Variants in NCOR2 observed in about 807,000 individuals in gnomAD.
NCOR2 encodes nuclear receptor corepressor 2.
A neutral mutation model predicts 262.9 loss-of-function variants in NCOR2; 81 were observed. The observed-to-expected ratio is 0.31, with a 90% CI of 0.26 to 0.37. NCOR2 has a LOEUF of 0.37. NCOR2 is among the 10% of genes least tolerant of loss of function. The pLI is 1.00. For synonymous variants in NCOR2, 1,659 were observed against 1,559.3 expected, an observed-to-expected ratio of 1.06 and a Z score of -1.51; for missense variants, 3,385 against 3,621.4, an observed-to-expected ratio of 0.93 and a Z score of 1.68.
At chr12:124,473,739 G>A (rs2046947126) in intron 3 of NCOR2, among the ~76,000 whole-genome samples, 1 of 152,190 alleles carries the variant, frequency 6.6e-6, no homozygotes. Context: ...ACATGGAACT[G>A]TGAGTACAAT....
intron 1 of NCOR2, among the ~76,000 whole-genome samples, chr12:124,559,235 A>C (rs1005233358): frequency 6.6e-6 from 1 of 152,220 alleles, no homozygotes; most frequent in Admixed American, 6.5e-5. Flanking sequence ...AGCATCAGCC[A>C]CAAGTCCAGG....
chr12:124,417,144 C>G, intron 13 of NCOR2, among the ~76,000 whole-genome samples: 1 of 151,506 alleles, frequency 6.6e-6, no homozygotes, highest in Non-Finnish European at 1.5e-5. Context: ...CAGACACTCA[C>G]TCCACGGAGA....
At chr12:124,488,498 G>T (rs2047902481) in intron 1 of NCOR2, among the ~76,000 whole-genome samples, 1 of 152,216 alleles carries the variant, frequency 6.6e-6, no homozygotes, top group Non-Finnish European at 1.5e-5. Context: ...ACCTCTCTGA[G>T]GGATTCCCCC....
chr12:124,495,334 C>T, upstream of NCOR2: 4 of 1,487,518 alleles, frequency 2.7e-6, no homozygotes, highest in African/African-American at 1.4e-5. This position sits in a 1 kb window ranked among gnomAD's most constrained non-coding sequence, Gnocchi z 4.4. Flanking sequence ...AGCCAGTCCT[C>T]GTCATCAGCT....
At chr12:124,325,163 G>C (rs924597503) in exon 47 of NCOR2, 2 of 192,406 alleles carry the variant, frequency 1.0e-5, no homozygotes, top group Non-Finnish European at 2.1e-5. Context: ...CTCCCTTCCC[G>C]AGCACCAGGT....
intron 13 of NCOR2, among the ~76,000 whole-genome samples, chr12:124,405,998 C>T (rs1259432514): frequency 1.3e-5 from 2 of 152,218 alleles, no homozygotes; most frequent in Admixed American, 6.5e-5. Context: ...CCGCACCCCA[C>T]ACCAATGACA....
At chr12:124,567,510 G>A (rs2052287496), upstream of NCOR2, 1 of 146,984 alleles carries the variant, frequency 6.8e-6, no homozygotes, top group Admixed American at 6.7e-5. Flanking sequence ...GGAGCGCAGG[G>A]CGCGGGCGCA....
chr12:124,354,535 C>T (rs2037789132), exon 26 of NCOR2: 3 of 1,595,914 alleles, frequency 1.9e-6, no homozygotes, highest in East Asian at 2.3e-5. Flanking sequence ...GGTGGCCCAG[C>T]CTGGCCCCGT....
At chr12:124,510,245 C>T (rs1268144932) in intron 1 of NCOR2, among the ~76,000 whole-genome samples, 2 of 152,366 alleles carry the variant, frequency 1.3e-5, no homozygotes, top group South Asian at 2.1e-4. Context: ...CTCCTCCCGA[C>T]CTCCATGGGG....
intron 32 of NCOR2, 126 bp downstream of exon 34, chr12:124,344,471 T>G (rs2135845847): frequency 5.6e-6 from 5 of 899,822 alleles, no homozygotes; most frequent in South Asian, 2.5e-5. Context: ...CTGCAGGTGG[T>G]TTGGATGTGG....
intron 34 of NCOR2, 43 bp from the exon 37 acceptor site, chr12:124,340,794 A>T: frequency 6.8e-7 from 1 of 1,463,970 alleles, no homozygotes; most frequent in East Asian, 2.5e-5. Flanking sequence ...CAGGGAGGAG[A>T]GAGGCCAGGC....
intron 7 of NCOR2, among the ~76,000 whole-genome samples, chr12:124,447,263 G>C (rs1303544762): frequency 1.3e-5 from 2 of 152,220 alleles, no homozygotes; most frequent in African/African-American, 4.8e-5. Flanking sequence ...TTTAGATTTG[G>C]AACAAATTCA....
At chr12:124,335,830 G>A (rs2035831169) in intron 38 of NCOR2, 198 bp from the exon 41 acceptor site, 2 of 596,082 alleles carry the variant, frequency 3.4e-6, no homozygotes, top group Non-Finnish European at 5.9e-6. Flanking sequence ...GAGAGGTGGA[G>A]AGAGATGCAG....
chr12:124,556,616 T>C (rs1342340043), intron 1 of NCOR2, among the ~76,000 whole-genome samples: 6 of 152,004 alleles, frequency 3.9e-5, no homozygotes. Flanking sequence ...TCCCAGCACT[T>C]TGGGAGGCCG....
In NCOR2 at chr12:124,378,255, TCTC is replaced by T. The variant is rs746776861; in HGVS notation, c.2146_2148del (p.Glu716del). Reference sequence around the variant, plus strand: ...CCCTCACCTTCAGCCTCCTCCACCATCTCCTCCTCATTTCCGCTCACGCCCGAC... The same window carrying T: ...CCCTCACCTTCAGCCTCCTCCACCATCTCCTCATTTCCGCTCACGCCCGAC... On this transcript the variant is annotated inframe_deletion, in exon 18 of 47. Transcript: ENST00000405201. The surrounding 1 kb of genome is among the most constrained non-coding windows in gnomAD (Gnocchi z 4.2). The T allele has an allele frequency of 6.2e-6, 10 of 1,613,620 alleles. No individual in the cohort carries two copies. The highest frequency in any genetic ancestry group is 1.3e-5 in the African/African-American group (1 of 75,004).
At chr12:124,547,232 A>G (rs2137244742) in intron 1 of NCOR2, among the ~76,000 whole-genome samples, 1 of 152,174 alleles carries the variant, frequency 6.6e-6, no homozygotes, top group South Asian at 2.1e-4. Context: ...GCCTCAAGAG[A>G]TCCACCCACC....
chr12:124,372,033 G>A lies in NCOR2; in HGVS notation c.2796C>T (p.Gly932=), dbSNP rs759359540. The change falls in exon 20 of 47, where the codon GGC becomes GGT. Residue 932 remains glycine, a synonymous_variant. Transcript: ENST00000405201. Reference sequence around the variant, plus strand: ...TGGCGCCCACTCACCGGTTCTTGTCGCCGCCCTCGGCCTCATCCACCTCGT... The same window carrying A: ...TGGCGCCCACTCACCGGTTCTTGTCACCGCCCTCGGCCTCATCCACCTCGT... 164 of 1,588,498 alleles carry A rather than the reference G, an allele frequency of 1.0e-4. No homozygotes were observed. Among genetic ancestry groups the A allele is most frequent in the Middle Eastern group, 5.0e-4 (3 of 5,988 alleles).
At chr12:124,325,231 G>A (rs2135708253) in exon 47 of NCOR2, 2 of 429,496 alleles carry the variant, frequency 4.7e-6, no homozygotes, top group East Asian at 3.6e-5. Context: ...TCTTAGTTAA[G>A]GCTTTAGACA....
chr12:124,561,137 T>C (rs2052056553), intron 1 of NCOR2, among the ~76,000 whole-genome samples: 1 of 152,120 alleles, frequency 6.6e-6, no homozygotes, highest in Non-Finnish European at 1.5e-5. Flanking sequence ...CCACATGAGC[T>C]CAGCCCCAGG....
Sources: gnomAD v4.1 joint callset for allele counts (sites outside exome capture counted in the v4.1 genomes callset) on GRCh38, gnomAD v4.1.1 for gene constraint, Gnocchi (gnomAD v3.1) non-coding constraint, MANE v1.5 for transcripts, NCBI Gene and HGNC (gene_info 2026-07-23, HGNC 2026-07-21) for gene names.